Variants in GPHN observed in about 807,000 individuals in gnomAD.
GPHN encodes the protein gephyrin.
GPHN carries 17 observed loss-of-function variants against 95.5 expected under a neutral mutation model. The observed-to-expected ratio is 0.18, with a 90% CI of 0.12 to 0.27. The LOEUF is 0.27. Ranked by LOEUF, GPHN falls within the 10% of genes least tolerant of loss-of-function variation. The pLI, the probability that GPHN is intolerant of heterozygous loss-of-function variation, is 1.00. For missense variants in GPHN, 660 were observed against 978.1 expected, an observed-to-expected ratio of 0.67 and a Z score of 4.34; for synonymous variants, 320 against 322.5, an observed-to-expected ratio of 0.99 and a Z score of 0.08.
chr14:67,186,078 G>C (rs570779878), downstream of GPHN, among the ~76,000 whole-genome samples: 1 of 152,036 alleles, frequency 6.6e-6, no homozygotes, highest in Non-Finnish European at 1.5e-5. Flanking sequence ...TGTCCATTTC[G>C]TATGGCCAGC....
intron 10 of GPHN, among the ~76,000 whole-genome samples, chr14:67,024,057 A>C (rs1489685050): frequency 6.6e-6 from 1 of 152,214 alleles, no homozygotes; most frequent in Non-Finnish European, 1.5e-5. Flanking sequence ...TGTGGCTCCC[A>C]AGAGGGTACA....
At chr14:66,931,634 A>G (rs2066803881) in intron 8 of GPHN, among the ~76,000 whole-genome samples, 1 of 152,118 alleles carries the variant, frequency 6.6e-6, no homozygotes, top group Non-Finnish European at 1.5e-5. Flanking sequence ...TTAATCAGTT[A>G]TGCTGTTGAA....
the GPHN span, chr14:67,642,052 T>C: frequency 2.2e-6 from 2 of 891,440 alleles, no homozygotes; most frequent in Non-Finnish European, 3.4e-6. Context: ...CCACAATCAT[T>C]TGACATTTTA....
chr14:66,836,684 A>T (rs2061834533), intron 4 of GPHN, among the ~76,000 whole-genome samples: 2 of 146,884 alleles, frequency 1.4e-5, no homozygotes, highest in Non-Finnish European at 3.0e-5. Context: ...AAATTTTCGC[A>T]ACCTACTCAT....
chr14:67,099,109 A>C (rs2077551613), intron 12 of GPHN, among the ~76,000 whole-genome samples: 1 of 149,978 alleles, frequency 6.7e-6, no homozygotes, highest in Admixed American at 6.6e-5. Flanking sequence ...TGTTGTAAAA[A>C]CTTTTTTTTT....
At position 66,616,288 on chromosome 14, in the gene GPHN, G is replaced by A. The variant is rs764837111; in HGVS notation, c.65-64819G>A. ...TAACATTGAATCTATAAATTACTTC[G>A]GGCAGTCTGTCCTTTCGGGTTTTCA... On this transcript the variant is annotated intron_variant, in intron 1 of 22. Coordinates refer to ENST00000478722, the MANE Select transcript of GPHN (RefSeq NM_020806.5). Among the ~76,000 whole-genome samples, 4 of 81,248 alleles carry A rather than the reference G, an allele frequency of 4.9e-5. 1 individual carries two copies. In the African/African-American group the frequency reaches 5.0e-4, roughly 10 times the overall value. The allele number at this position is 81,248 out of a possible 152,430, so 53.3% of individuals were successfully genotyped here.
At chr14:67,650,664 T>G in the GPHN span, 1 of 1,560,460 alleles carries the variant, frequency 6.4e-7, no homozygotes, top group Non-Finnish European at 8.8e-7. Flanking sequence ...TGACCCTCAC[T>G]GAGAGTAGCA....
chr14:67,602,001 C>A, the GPHN span, among the ~76,000 whole-genome samples: 2 of 151,716 alleles, frequency 1.3e-5, no homozygotes, highest in Non-Finnish European at 2.9e-5. Flanking sequence ...TAAAGGATTT[C>A]TTCAAGCACT....
intron 11 of GPHN, among the ~76,000 whole-genome samples, chr14:67,059,276 A>G (rs559502488): frequency 3.7e-4 from 56 of 152,186 alleles, no homozygotes; most frequent in Non-Finnish European, 6.3e-4. Flanking sequence ...ACGGAAAGGT[A>G]GCATTCCCCA....
intron 1 of GPHN, among the ~76,000 whole-genome samples, chr14:66,571,426 C>T (rs2060686204): frequency 6.6e-6 from 1 of 152,156 alleles, no homozygotes. Flanking sequence ...AATTTTCTCT[C>T]ATTCTGTAGG....
At chr14:66,806,164 T>C (rs1221913924) in intron 3 of GPHN, among the ~76,000 whole-genome samples, 1 of 152,202 alleles carries the variant, frequency 6.6e-6, no homozygotes, top group Non-Finnish European at 1.5e-5. Context: ...GCTTGCACCC[T>C]CTGAAGCCAC....
chr14:66,922,586 C>A, intron 6 of GPHN, 80 bp from the exon 7 acceptor site: 1 of 1,148,054 alleles, frequency 8.7e-7, no homozygotes, highest in Non-Finnish European at 1.2e-6. Flanking sequence ...TCCAAAATCA[C>A]GAAACAGTTT....
At chr14:67,043,423 G>T (rs1477863522) in intron 10 of GPHN, among the ~76,000 whole-genome samples, 1 of 152,154 alleles carries the variant, frequency 6.6e-6, no homozygotes, top group East Asian at 1.9e-4. Flanking sequence ...CTAGTTTATT[G>T]AGAGTTTTTA....
intron 2 of GPHN, among the ~76,000 whole-genome samples, chr14:66,738,653 G>C (rs2072508123): frequency 6.6e-6 from 1 of 152,074 alleles, no homozygotes; most frequent in Non-Finnish European, 1.5e-5. Flanking sequence ...TTTAGATGAA[G>C]TAATTTCATT....
At chr14:67,597,675 A>G in the GPHN span, among the ~76,000 whole-genome samples, 1 of 152,204 alleles carries the variant, frequency 6.6e-6, no homozygotes, top group Non-Finnish European at 1.5e-5. Flanking sequence ...CCTGACCCTT[A>G]TAGATGTATT....
chr14:67,236,064 G>A, the GPHN span, among the ~76,000 whole-genome samples: 5 of 151,960 alleles, frequency 3.3e-5, no homozygotes, highest in Admixed American at 6.6e-5. Flanking sequence ...ACATTACCTC[G>A]CATACCATTT....
At chr14:66,621,069 A>C (rs528052022) in intron 1 of GPHN, among the ~76,000 whole-genome samples, 1 of 151,544 alleles carries the variant, frequency 6.6e-6, no homozygotes, top group East Asian at 2.0e-4. Context: ...GGTTCACGCC[A>C]TTCTCCTGCC....
At chr14:67,281,324 C>T in the GPHN span, among the ~76,000 whole-genome samples, 1 of 152,122 alleles carries the variant, frequency 6.6e-6, no homozygotes, top group Non-Finnish European at 1.5e-5. Flanking sequence ...TGTGTTCAGT[C>T]ATAGTGAAGT....
chr14:66,912,571 A>T (rs963615281), intron 5 of GPHN, among the ~76,000 whole-genome samples: 1 of 152,112 alleles, frequency 6.6e-6, no homozygotes, highest in African/African-American at 2.4e-5. Context: ...TTGTTATCAG[A>T]CTTTCTTTTC....
Sources: gnomAD v4.1 joint callset for allele counts (sites outside exome capture counted in the v4.1 genomes callset) on GRCh38, gnomAD v4.1.1 for gene constraint, MANE v1.5 for transcripts, NCBI Gene and HGNC (gene_info 2026-07-23, HGNC 2026-07-21) for gene names.